Variants in CUL1 observed in about 807,000 individuals in gnomAD.
The protein encoded by CUL1 is cullin 1, also known as cullin-1.
Under a neutral mutation model 118.0 loss-of-function variants are expected in CUL1, and 24 were observed. The ratio of observed to expected loss-of-function variants is 0.20; its 90% confidence interval spans 0.15 to 0.29. The LOEUF (loss-of-function observed/expected upper bound fraction) is 0.29, where lower values mean the gene tolerates loss of function less well. Ranked by LOEUF, CUL1 falls within the 10% of genes least tolerant of loss-of-function variation. The probability of loss-of-function intolerance (pLI) is 1.00; values close to 1 mark genes in which losing one functional copy is unlikely to be tolerated. For synonymous variants in CUL1, 332 were observed against 340.4 expected (o/e 0.98, Z 0.27); for missense variants, 361 against 933.8 (o/e 0.39, Z 7.99).
intron 16 of CUL1, 41 bp from the exon 17 acceptor site, chr7:148,792,685 T>C: frequency 6.7e-7 from 1 of 1,496,454 alleles, no homozygotes; most frequent in East Asian, 2.3e-5. Flanking sequence ...TCCATGCATG[T>C]AAATTTTCCT....
At position 148,782,221 on chromosome 7, in the gene CUL1, A is replaced by C. The variant is rs577333444; in HGVS notation, c.1084-1562A>C. On this transcript the variant is annotated intron_variant, in intron 9 of 21. Coordinates refer to ENST00000325222, the MANE Select transcript of CUL1 (RefSeq NM_003592.3). ...AGAAGCAATATCTATTTCAGTGACA[A>C]AACCACAATTAGGTCAAGCAGAAAA... 2.1e-4 allele frequency among the ~76,000 whole-genome samples: 32 copies of C among 152,364 alleles called. No homozygotes were observed. The South Asian group carries it at 2.5e-3, about 12-fold the overall frequency.
chr7:148,752,774 G>A lies in CUL1; in HGVS notation c.141-1202G>A, dbSNP rs368179095. 2.0e-5 allele frequency among the ~76,000 whole-genome samples: 3 copies of A among 152,030 alleles called. No homozygotes were observed. In the South Asian group the frequency reaches 6.2e-4, roughly 32 times the overall value. ...TGCCATTCTCCTGCCTCAGCCTCCC[G>A]AGTAGCTGGGACTACAGGCGCCTGC... is the stretch of plus-strand genomic sequence containing the variant. On this transcript the variant is annotated intron_variant, in intron 2 of 21. Transcript: ENST00000325222.
intron 2 of CUL1, among the ~76,000 whole-genome samples, chr7:148,734,432 C>T (rs1798872352): frequency 6.6e-6 from 1 of 152,144 alleles, no homozygotes; most frequent in Non-Finnish European, 1.5e-5. Context: ...TTTGTAGATA[C>T]AGGGTTTCAC....
At position 148,788,646 on chromosome 7, in the gene CUL1, G is replaced by A. The variant is rs1800898985; in HGVS notation, c.1569G>A (p.Lys523=). The A allele has an allele frequency of 6.2e-7, 1 of 1,613,648 alleles. No individual in the cohort carries two copies. The highest frequency in any genetic ancestry group is 1.1e-5 in the South Asian group (1 of 91,084). The part of the protein sequence containing the change: ...VSKDLNEQFK[K]HLTNSEPLDL... ...AAGATCTGAACGAGCAATTCAAAAA[G>A]CACTTGACAAACTCAGAACCCCTAG... The change falls in exon 14 of 22, where the codon AAG becomes AAA. Residue 523 remains lysine (K), a synonymous_variant. Coordinates refer to ENST00000325222, the MANE Select transcript of CUL1 (RefSeq NM_003592.3).
intron 9 of CUL1, among the ~76,000 whole-genome samples, chr7:148,780,655 A>T (rs942760654): frequency 6.6e-6 from 1 of 152,192 alleles, no homozygotes; most frequent in Admixed American, 6.5e-5. Context: ...GTGGATGTGA[A>T]TGTGTCCGTC....
chr7:148,756,626 T>C (rs767960823), intron 3 of CUL1, among the ~76,000 whole-genome samples: 18 of 152,160 alleles, frequency 1.2e-4, no homozygotes, highest in Middle Eastern at 3.2e-3. Flanking sequence ...TGTGAGCCAC[T>C]GTACCCAGCC....
intron 9 of CUL1, among the ~76,000 whole-genome samples, chr7:148,773,987 A>C (rs185682041): frequency 3.0e-4 from 46 of 152,254 alleles, no homozygotes; most frequent in Non-Finnish European, 5.1e-4. Flanking sequence ...CTTACATCTT[A>C]GTTACACTTC....
intron 1 of CUL1, among the ~76,000 whole-genome samples, chr7:148,701,906 T>A (rs75553767): frequency 0.015 from 2,311 of 152,348 alleles, 34 homozygotes; most frequent in Non-Finnish European, 0.023. Flanking sequence ...TGAGTCATTC[T>A]GGAATAAAAT....
chr7:148,709,087 T>C (rs921936443), intron 1 of CUL1, among the ~76,000 whole-genome samples: 1 of 152,188 alleles, frequency 6.6e-6, no homozygotes, highest in Non-Finnish European at 1.5e-5. Flanking sequence ...AGTGATTCCC[T>C]TAATAGTTAT....
intron 2 of CUL1, among the ~76,000 whole-genome samples, chr7:148,730,842 C>T (rs561591761): frequency 6.6e-6 from 1 of 152,064 alleles, no homozygotes; most frequent in African/African-American, 2.4e-5. Context: ...GACAAGGTCT[C>T]GCTCTGTCAC....
chr7:148,792,480 T>A (rs923249392), intron 16 of CUL1, among the ~76,000 whole-genome samples: 9 of 152,050 alleles, frequency 5.9e-5, no homozygotes, highest in African/African-American at 1.9e-4. Flanking sequence ...ATACGTTTTT[T>A]AAAAAAAACC....
intron 2 of CUL1, among the ~76,000 whole-genome samples, chr7:148,738,072 T>C (rs1250595036): frequency 6.6e-6 from 1 of 152,214 alleles, no homozygotes; most frequent in Non-Finnish European, 1.5e-5. Context: ...GCTTTTCTTT[T>C]AGCTAATGAG....
chr7:148,700,197 C>T (rs1486758575), intron 1 of CUL1, among the ~76,000 whole-genome samples: 1 of 152,158 alleles, frequency 6.6e-6, no homozygotes, highest in African/African-American at 2.4e-5. Flanking sequence ...TTGCTCTTTC[C>T]TGTAGTAGCA....
At chr7:148,702,620 C>T (rs1348638665) in intron 1 of CUL1, among the ~76,000 whole-genome samples, 1 of 152,166 alleles carries the variant, frequency 6.6e-6, no homozygotes, top group Non-Finnish European at 1.5e-5. Context: ...TCTGCCTTTC[C>T]TAGTGTTGAC....
intron 9 of CUL1, among the ~76,000 whole-genome samples, chr7:148,772,603 T>C (rs1379430767): frequency 6.6e-6 from 1 of 152,200 alleles, no homozygotes; most frequent in African/African-American, 2.4e-5. Flanking sequence ...GGCATTCCTG[T>C]AGTAGACGTG....
chr7:148,783,131 C>A (rs991400391), intron 9 of CUL1, among the ~76,000 whole-genome samples: 23 of 152,258 alleles, frequency 1.5e-4, no homozygotes, highest in Middle Eastern at 3.4e-3. Flanking sequence ...CCTTTGCCTT[C>A]CATTGTCGCC....
intron 2 of CUL1, among the ~76,000 whole-genome samples, chr7:148,731,144 G>A (rs2129459630): frequency 6.6e-6 from 1 of 152,358 alleles, no homozygotes; most frequent in Non-Finnish European, 1.5e-5. Flanking sequence ...GGGTGGAAAA[G>A]ATGCGGCTCC....
chr7:148,796,617 C>T (rs919570771), intron 17 of CUL1, among the ~76,000 whole-genome samples: 2 of 152,252 alleles, frequency 1.3e-5, no homozygotes, highest in African/African-American at 2.4e-5. Flanking sequence ...GTGGGGAGGG[C>T]TGTGCAGACG....
Position 148,786,979 on chromosome 7 carries a change from G to GT in CUL1, c.1348-10_1348-9insT. ...GCTGGTTAAGTGTGTTGTCTCGGTG[G>GT]CTTTGCCAGATGGTTGTCTTCAAGT... On this transcript the variant is annotated splice_polypyrimidine_tract_variant and intron_variant, in intron 12 of 21. Coordinates refer to ENST00000325222, the MANE Select transcript of CUL1 (RefSeq NM_003592.3). 1 of 1,602,626 alleles carries GT rather than the reference G, an allele frequency of 6.2e-7. No individual in the cohort carries two copies. Among genetic ancestry groups the GT allele is most frequent in the Non-Finnish European group, 8.5e-7 (1 of 1,177,726 alleles).
Sources: gnomAD v4.1 joint callset for allele counts (sites outside exome capture counted in the v4.1 genomes callset) on GRCh38, gnomAD v4.1.1 for gene constraint, MANE v1.5 for transcripts, NCBI Gene and HGNC (gene_info 2026-07-23, HGNC 2026-07-21) for gene names.